AJAP1: variants seen among roughly 807,000 people sequenced by gnomAD.
The protein encoded by AJAP1 is adherens junctions associated protein 1.
Under a neutral mutation model 35.0 loss-of-function variants are expected in AJAP1, and 5 were observed. The observed-to-expected ratio is 0.14, with a 90% CI of 0.07 to 0.30. The LOEUF is 0.30. AJAP1 is among the 10% of genes least tolerant of loss of function. The pLI is 1.00. For synonymous variants in AJAP1, 284 were observed against 249.3 expected, an observed-to-expected ratio of 1.14 and a Z score of -1.31; for missense variants, 586 against 571.0, an observed-to-expected ratio of 1.03 and a Z score of -0.27.
chr1:4,765,540 G>A (rs116043244), intron 2 of AJAP1, among the ~76,000 whole-genome samples: 2,102 of 152,328 alleles, frequency 0.014, 46 homozygotes, highest in African/African-American at 0.048. Flanking sequence ...AGCCTCCTGA[G>A]AATGGTGCCA....
chr1:4,744,946 G>A (rs1641156835), intron 2 of AJAP1, among the ~76,000 whole-genome samples: 1 of 152,048 alleles, frequency 6.6e-6, no homozygotes, highest in African/African-American at 2.4e-5. Flanking sequence ...TCGGGGCTGG[G>A]AGGCTCCTGA....
chr1:4,704,980 C>T (rs551576631), intron 1 of AJAP1, among the ~76,000 whole-genome samples: 2 of 152,298 alleles, frequency 1.3e-5, no homozygotes, highest in South Asian at 4.1e-4. Context: ...TGTTCATGTC[C>T]TTCACCCACT....
chr1:4,778,609 CTCTCTT>C (rs1454234287), intron 5 of AJAP1, among the ~76,000 whole-genome samples: 4 of 139,730 alleles, frequency 2.9e-5, no homozygotes, highest in Non-Finnish European at 6.3e-5. Context: ...CTCTCTCTCT[CTCTCTT>C]CTCTCTGTCT....
At chr1:4,704,735 G>T (rs561770585) in intron 1 of AJAP1, among the ~76,000 whole-genome samples, 87 of 152,314 alleles carry the variant, frequency 5.7e-4, no homozygotes, top group Middle Eastern at 6.8e-3. Flanking sequence ...TCACCACACT[G>T]ACTTCCACGA....
At chr1:4,663,782 G>A (rs12083135) in intron 1 of AJAP1, among the ~76,000 whole-genome samples, 14,731 of 152,136 alleles carry the variant, frequency 0.097, 1,069 homozygotes, top group Admixed American at 0.19. Flanking sequence ...CGAGCTCTGT[G>A]TAGAGAAGGA....
Position 4,782,121 on chromosome 1 carries a change from G to A in AJAP1, c.*60-424G>A, listed in dbSNP as rs962160455. On this transcript the variant is annotated intron_variant, in intron 5 of 5. Coordinates refer to ENST00000378191, the MANE Select transcript of AJAP1 (RefSeq NM_018836.4). The surrounding 1 kb of genome is among the most constrained non-coding windows in gnomAD (Gnocchi z 5.3). The stretch of plus-strand genomic sequence containing the variant: ...AGCACAGGAGTGGAGCAGGCCCCAC[G>A]CCACCCTCCATGGGAGGAAACTGGA... Among the ~76,000 whole-genome samples, 3 of 152,138 alleles carry A rather than the reference G, an allele frequency of 2.0e-5. No individual in the cohort carries two copies. The highest frequency in any genetic ancestry group is 4.4e-5 in the Non-Finnish European group (3 of 68,016).
In AJAP1 at chr1:4,712,832, A is replaced by C. The variant is rs1447396759; in HGVS notation, c.829+133A>C. 8 of 938,290 alleles carry C rather than the reference A, an allele frequency of 8.5e-6. No homozygotes were observed. In the East Asian group the frequency reaches 2.2e-4, roughly 25 times the overall value. The allele number at this position is 938,290 out of a possible 1,614,324, so 58.1% of individuals were successfully genotyped here. A position where few individuals can be genotyped will look rare whatever the true frequency, so the allele number is the denominator to read the frequency against. On this transcript the variant is annotated intron_variant, in intron 2 of 5. Coordinates refer to ENST00000378191, the MANE Select transcript of AJAP1 (RefSeq NM_018836.4). Reference sequence around the variant, plus strand: ...CAGGAGATGCAGGCGTGATGTGTCCATGAGCTTGCACATGCCTGTAGACTG... The same window carrying C: ...CAGGAGATGCAGGCGTGATGTGTCCCTGAGCTTGCACATGCCTGTAGACTG...
At chr1:4,709,852 G>A (rs1640186196) in intron 1 of AJAP1, among the ~76,000 whole-genome samples, 1 of 152,134 alleles carries the variant, frequency 6.6e-6, no homozygotes, top group Non-Finnish European at 1.5e-5. Flanking sequence ...TTATTGTTTG[G>A]GGATTAGTCC....
At position 4,720,826 on chromosome 1, in the gene AJAP1, T is replaced by A. The variant is rs1640500450; in HGVS notation, c.829+8127T>A. 6.6e-6 allele frequency among the ~76,000 whole-genome samples: 1 copy of A among 152,226 alleles called. No individual in the cohort carries two copies. Among genetic ancestry groups the A allele is most frequent in the South Asian group, 2.1e-4 (1 of 4,834 alleles). On this transcript the variant is annotated intron_variant, in intron 2 of 5. Transcript: ENST00000378191. The surrounding 1 kb of genome is among the most constrained non-coding windows in gnomAD (Gnocchi z 4.4). ...GGTTGTGTGGCTGCATGCTCGGTGC[T>A]ATTCTGTCCATATCATGATCTTTCC... is the stretch of plus-strand genomic sequence containing the variant.
intron 1 of AJAP1, among the ~76,000 whole-genome samples, chr1:4,679,808 G>GGGGTGTGTGTGT (rs71580281): frequency 2.8e-5 from 4 of 142,324 alleles, no homozygotes; most frequent in African/African-American, 1.1e-4. Context: ...GAACCAATAG[G>GGGGTGTGTGTGT]GTGTGTGTGT....
In AJAP1 at chr1:4,693,421, G is replaced by A. The variant is rs569771951; in HGVS notation, c.30-18479G>A. Among the ~76,000 whole-genome samples the A allele has an allele frequency of 6.6e-6, 1 of 152,220 alleles. No individual in the cohort carries two copies. Among genetic ancestry groups the A allele is most frequent in the Admixed American group, 6.5e-5 (1 of 15,298 alleles). ...GGGATTGGAGGAGGCCTAAGCAGGA[G>A]CAGGTAGGGCTTCTGGGCTAAGACT... is the stretch of plus-strand genomic sequence containing the variant. On this transcript the variant is annotated intron_variant, in intron 1 of 5. Coordinates refer to ENST00000378191, the MANE Select transcript of AJAP1 (RefSeq NM_018836.4). The surrounding 1 kb of genome is among the most constrained non-coding windows in gnomAD (Gnocchi z 4.4).
chr1:4,780,131 CAAAAAAAA>C (rs545412869), intron 5 of AJAP1, among the ~76,000 whole-genome samples: 31 of 92,188 alleles, frequency 3.4e-4, no homozygotes, highest in Non-Finnish European at 5.6e-4. Flanking sequence ...GTGACAGTCT[CAAAAAAAA>C]AAAAAAAAAA....
At chr1:4,750,631 A>G (rs1338827882) in intron 2 of AJAP1, among the ~76,000 whole-genome samples, 1 of 151,324 alleles carries the variant, frequency 6.6e-6, no homozygotes, top group Admixed American at 6.6e-5. Context: ...TGGGTTCCCT[A>G]GGAGCAGGGC....
intron 1 of AJAP1, among the ~76,000 whole-genome samples, chr1:4,675,864 G>A (rs1353145135): frequency 1.3e-5 from 2 of 152,230 alleles, no homozygotes; most frequent in East Asian, 1.9e-4. Flanking sequence ...TTTTAGGAGA[G>A]AAGATGGATG....
chr1:4,732,082 G>A (rs1480307524), intron 2 of AJAP1, among the ~76,000 whole-genome samples: 2 of 152,262 alleles, frequency 1.3e-5, no homozygotes, highest in East Asian at 3.8e-4. Context: ...GGGAGAGGCT[G>A]CATGGGGAGG....
chr1:4,781,127 G>A (rs999252204), intron 5 of AJAP1, among the ~76,000 whole-genome samples: 1 of 152,200 alleles, frequency 6.6e-6, no homozygotes, highest in African/African-American at 2.4e-5. Flanking sequence ...ACGCAGTGCT[G>A]TGCAGGAGGA....
chr1:4,767,993 C>T (rs1386655985), intron 2 of AJAP1, among the ~76,000 whole-genome samples: 1 of 152,176 alleles, frequency 6.6e-6, no homozygotes, highest in Non-Finnish European at 1.5e-5. Flanking sequence ...GTAGACACTC[C>T]ATTGTTGGTG....
At chr1:4,721,515 C>G (rs920031558) in intron 2 of AJAP1, among the ~76,000 whole-genome samples, 1 of 152,224 alleles carries the variant, frequency 6.6e-6, no homozygotes, top group African/African-American at 2.4e-5. Flanking sequence ...CAGAGACACA[C>G]CCTGTGGTGC....
At chr1:4,684,315 G>A (rs770082453) in intron 1 of AJAP1, among the ~76,000 whole-genome samples, 1 of 152,152 alleles carries the variant, frequency 6.6e-6, no homozygotes, top group Non-Finnish European at 1.5e-5. Flanking sequence ...AGAGTTCACG[G>A]GGCAGGCGGG....
Sources: gnomAD v4.1 joint callset for allele counts (sites outside exome capture counted in the v4.1 genomes callset) on GRCh38, gnomAD v4.1.1 for gene constraint, Gnocchi (gnomAD v3.1) non-coding constraint, MANE v1.5 for transcripts, NCBI Gene and HGNC (gene_info 2026-07-23, HGNC 2026-07-21) for gene names.